The following PTK2 variants were observed in gnomAD, a reference collection of about 807,000 sequenced individuals.
The protein encoded by PTK2 is focal adhesion kinase 1.
PTK2 carries 45 observed loss-of-function variants against 150.1 expected under a neutral mutation model. The observed-to-expected ratio is 0.30, with a 90% confidence interval of 0.24 to 0.38. The LOEUF (loss-of-function observed/expected upper bound fraction) is 0.38, where lower values mean the gene tolerates loss of function less well. PTK2 is among the 10% of genes least tolerant of loss of function. PTK2 has a pLI of 1.00. For missense variants in PTK2, 919 were observed against 1,307.3 expected (o/e 0.70, Z 4.58); for synonymous variants, 432 against 449.2 (o/e 0.96, Z 0.48).
chr8:140,828,453 T>A (rs1240845240), intron 8 of PTK2, among the ~76,000 whole-genome samples: 1 of 152,164 alleles, frequency 6.6e-6, no homozygotes, highest in Non-Finnish European at 1.5e-5. Flanking sequence ...AAATCTAGAA[T>A]GTATTGGACT....
chr8:140,882,457 G>A (rs2100149736), intron 3 of PTK2, among the ~76,000 whole-genome samples: 1 of 152,104 alleles, frequency 6.6e-6, no homozygotes, highest in Non-Finnish European at 1.5e-5. Flanking sequence ...ATTTCTCATC[G>A]TGACTTTGAA....
Position 140,832,351 on chromosome 8 carries a change from A to T in PTK2, c.594-1825T>A, listed in dbSNP as rs116738917. On this transcript the variant is annotated intron_variant, in intron 7 of 31. Coordinates refer to ENST00000522684, the Ensembl canonical transcript of PTK2. ...ATTACAGGCATGAGCCACTGCGCCC[A>T]GCCTCAGAGAGTTCTTAATTTGAAT... Among the ~76,000 whole-genome samples, 464 of 152,314 alleles carry T rather than the reference A, an allele frequency of 3.0e-3. 3 individuals are homozygous for T. Among genetic ancestry groups the T allele is most frequent in the African/African-American group, 0.011 (442 of 41,570 alleles).
intron 30 of PTK2, among the ~76,000 whole-genome samples, chr8:140,667,819 T>C (rs1273606189): frequency 6.6e-6 from 1 of 152,188 alleles, no homozygotes. Context: ...GGCTCCTCCT[T>C]ACAGGTGCGG....
chr8:140,818,972 T>C, exon 9 of PTK2: 2 of 1,613,616 alleles, frequency 1.2e-6, no homozygotes, highest in East Asian at 4.5e-5. Flanking sequence ...CTATTAAGGT[T>C]GGCAAATTGT....
At chr8:140,864,100 A>C (rs1288662257) in intron 5 of PTK2, among the ~76,000 whole-genome samples, 2 of 152,252 alleles carry the variant, frequency 1.3e-5, no homozygotes, top group Non-Finnish European at 2.9e-5. Flanking sequence ...ATATAATAGA[A>C]GTTATCTTTT....
Position 140,864,206 on chromosome 8 carries a change from T to A in PTK2, c.450+106A>T, listed in dbSNP as rs143034995. 2.8e-5 allele frequency: 17 copies of A among 604,516 alleles called. No homozygotes were observed. The African/African-American group carries it at 3.1e-4, about 11-fold the overall frequency. 37.4% of individuals were successfully genotyped at this position (604,516 alleles called of 1,614,324 possible). A position where few individuals can be genotyped will look rare whatever the true frequency, so the allele number is the denominator to read the frequency against. On this transcript the variant is annotated intron_variant, in intron 5 of 31. Transcript: ENST00000522684. ...TCTTATTGCCATTCAGCAACAAATT[T>A]CTATTCCTCCAAACGTGAGCTTTAA...
chr8:140,888,849 T>TA (rs1481463077), intron 3 of PTK2, among the ~76,000 whole-genome samples: 1 of 152,224 alleles, frequency 6.6e-6, no homozygotes, highest in East Asian at 1.9e-4. Context: ...TTAGGGCTGA[T>TA]ACAATGGTTT....
chr8:140,808,811 C>T (rs1236219403), intron 10 of PTK2, among the ~76,000 whole-genome samples: 1 of 146,628 alleles, frequency 6.8e-6, no homozygotes, highest in Non-Finnish European at 1.5e-5. Context: ...TCTCAGCTCA[C>T]TGCAATCTCC....
intron 14 of PTK2, among the ~76,000 whole-genome samples, chr8:140,781,879 C>T (rs926869170): frequency 2.0e-5 from 3 of 152,174 alleles, no homozygotes; most frequent in African/African-American, 4.8e-5. Context: ...AAGAACACCC[C>T]GATCTCAACA....
chr8:140,679,660 G>C (rs1052975672), intron 27 of PTK2, among the ~76,000 whole-genome samples: 2 of 152,128 alleles, frequency 1.3e-5, no homozygotes, highest in Admixed American at 6.5e-5. Flanking sequence ...AGACAACTGG[G>C]TTGTCATCAC....
intron 10 of PTK2, among the ~76,000 whole-genome samples, chr8:140,810,522 CCCACGGGGCAGCCTCCATTG>C (rs2100100867): frequency 6.6e-6 from 1 of 152,182 alleles, no homozygotes; most frequent in East Asian, 1.9e-4. Context: ...GCAGAGAGCT[CCCACGGGGCAGCCTCCATTG>C]CCACACACCA....
chr8:140,949,125 A>AATATTTCTTAATATTTCT (rs1249250148), intron 1 of PTK2, among the ~76,000 whole-genome samples: 1 of 152,020 alleles, frequency 6.6e-6, no homozygotes, highest in Non-Finnish European at 1.5e-5. Context: ...ATATTTTCTT[A>AATATTTCTTAATATTTCT]ATATTTCTTA....
chr8:140,743,847 G>A (rs557800601), intron 19 of PTK2, among the ~76,000 whole-genome samples: 19 of 150,370 alleles, frequency 1.3e-4, no homozygotes, highest in African/African-American at 3.2e-4. Flanking sequence ...GCACGATCTC[G>A]GCTTACTGCA....
intron 1 of PTK2, among the ~76,000 whole-genome samples, chr8:140,980,325 G>C (rs2100190936): frequency 6.6e-6 from 1 of 152,160 alleles, no homozygotes. Context: ...GATACCCTTA[G>C]TATAAAGTTC....
intron 2 of PTK2, among the ~76,000 whole-genome samples, chr8:140,923,479 A>G (rs1319465217): frequency 1.3e-5 from 2 of 152,244 alleles, no homozygotes; most frequent in Non-Finnish European, 2.9e-5. Flanking sequence ...CTGCAAAATG[A>G]GGCAAGTACT....
At chr8:140,928,852 C>T (rs1694135499) in intron 1 of PTK2, among the ~76,000 whole-genome samples, 1 of 151,010 alleles carries the variant, frequency 6.6e-6, no homozygotes, top group African/African-American at 2.4e-5. Context: ...TTCTAGAGAT[C>T]TGTTTCACAA....
intron 1 of PTK2, among the ~76,000 whole-genome samples, chr8:140,969,970 C>T (rs1445585252): frequency 6.6e-6 from 1 of 152,250 alleles, no homozygotes; most frequent in Non-Finnish European, 1.5e-5. Flanking sequence ...AAAGAGCACA[C>T]TACCCTCTGG....
At chr8:141,001,348 G>T (rs1203319554), upstream of PTK2, 1 of 149,446 alleles carries the variant, frequency 6.7e-6, no homozygotes, top group Non-Finnish European at 1.5e-5. Context: ...TCTCTCGGCA[G>T]CGCACGCCCG....
At chr8:140,942,641 T>C (rs2100176239) in intron 1 of PTK2, among the ~76,000 whole-genome samples, 1 of 152,148 alleles carries the variant, frequency 6.6e-6, no homozygotes, top group Non-Finnish European at 1.5e-5. Flanking sequence ...TGTGTGTGTG[T>C]GTGTGCGCGC....
Sources: allele counts gnomAD v4.1 joint callset (sites outside exome capture counted in the v4.1 genomes callset), GRCh38; gene constraint gnomAD v4.1.1; transcripts MANE v1.5; gene names NCBI Gene and HGNC (gene_info 2026-07-23, HGNC 2026-07-21).